TENM3: variants seen among roughly 807,000 people sequenced by gnomAD.
TENM3 encodes teneurin transmembrane protein 3, also known as teneurin-3.
In TENM3, 63 loss-of-function variants were observed where a neutral mutation model predicts 255.1. The ratio of observed to expected loss-of-function variants is 0.25; its 90% CI spans 0.20 to 0.30. TENM3 has a LOEUF of 0.30. Ranked by LOEUF, TENM3 falls within the 10% of genes least tolerant of loss-of-function variation. The pLI is 1.00. For missense variants in TENM3, 2,929 were observed against 3,461.1 expected (o/e 0.85, Z 3.86); for synonymous variants, 1,306 against 1,322.3 (o/e 0.99, Z 0.27).
At chr4:182,586,214 A>G (rs1315954536) in intron 3 of TENM3, among the ~76,000 whole-genome samples, 1 of 152,202 alleles carries the variant, frequency 6.6e-6, no homozygotes, top group East Asian at 1.9e-4. Context: ...CTATGATCAC[A>G]GTACTGTACT....
chr4:181,622,861 C>T, the TENM3 span, among the ~76,000 whole-genome samples: 1 of 152,002 alleles, frequency 6.6e-6, no homozygotes, highest in African/African-American at 2.4e-5. Context: ...TTTTAGGTAC[C>T]GAGTGAAGTC....
chr4:181,476,218 T>G, the TENM3 span, among the ~76,000 whole-genome samples: 7 of 142,316 alleles, frequency 4.9e-5, no homozygotes, highest in Non-Finnish European at 7.8e-5. Context: ...TTTTTTTTTT[T>G]TTTTTTGACA....
the TENM3 span, among the ~76,000 whole-genome samples, chr4:181,671,668 T>G: frequency 6.6e-6 from 1 of 152,314 alleles, no homozygotes; most frequent in East Asian, 1.9e-4. Flanking sequence ...GTACAATAAT[T>G]ATTGCATAGC....
At chr4:181,743,691 G>A in the TENM3 span, among the ~76,000 whole-genome samples, 1 of 152,094 alleles carries the variant, frequency 6.6e-6, no homozygotes, top group Non-Finnish European at 1.5e-5. Context: ...AAAAGGGGGG[G>A]CCACACATAA....
chr4:182,799,571 G>C lies in TENM3; in HGVS notation c.7345-25G>C, dbSNP rs770794490. On this transcript the variant is annotated intron_variant, in intron 27 of 27. Coordinates refer to ENST00000511685, the MANE Select transcript of TENM3 (RefSeq NM_001080477.4). The surrounding 1 kb of genome is among the most constrained non-coding windows in gnomAD (Gnocchi z 4.2). The stretch of plus-strand genomic sequence containing the variant: ...GGAGGCTCCCGGCCGCCTCTGACGC[G>C]CCCCCTCTTTTGTTTCGCCCGCAGC... The C allele has an allele frequency of 4.6e-6, 7 of 1,530,056 alleles. No individual in the cohort carries two copies. In the African/African-American group the frequency reaches 8.3e-5, roughly 18 times the overall value. The allele number at this position is 1,530,056 out of a possible 1,614,324, so 94.8% of individuals were successfully genotyped here.
At position 182,800,264 on chromosome 4, in the gene TENM3, C is replaced by T. The variant is rs749761005; in HGVS notation, c.8013C>T (p.Tyr2671=). The change falls in exon 28 of 28, where the codon TAC becomes TAT. Residue 2671 remains tyrosine (Y), a synonymous_variant. Coordinates refer to ENST00000511685, the MANE Select transcript of TENM3 (RefSeq NM_001080477.4). Reference sequence around the variant, plus strand: ...AGGTGCAGGGCTACGACGGGTACTACGTACTCTCGGTGGAGCAGTACCCCG... The same window carrying T: ...AGGTGCAGGGCTACGACGGGTACTATGTACTCTCGGTGGAGCAGTACCCCG... ...AGKVQGYDGY[Y]VLSVEQYPEL... 1.9e-6 allele frequency: 3 copies of T among 1,594,186 alleles called. No individual in the cohort carries two copies. Among genetic ancestry groups the T allele is most frequent in the Admixed American group, 1.7e-5 (1 of 59,662 alleles).
intron 3 of TENM3, among the ~76,000 whole-genome samples, chr4:182,588,804 T>C (rs528005077): frequency 6.6e-6 from 1 of 152,294 alleles, no homozygotes; most frequent in African/African-American, 2.4e-5. Flanking sequence ...GGCATTATGG[T>C]TGACAAGATA....
intron 22 of TENM3, among the ~76,000 whole-genome samples, chr4:182,767,289 G>A (rs1021482688): frequency 1.1e-4 from 16 of 152,138 alleles, no homozygotes; most frequent in Admixed American, 8.5e-4. Flanking sequence ...GCCGTTCCGG[G>A]TTCGCTGTTT....
At chr4:181,553,676 C>T in the TENM3 span, among the ~76,000 whole-genome samples, 3 of 152,074 alleles carry the variant, frequency 2.0e-5, no homozygotes, top group Non-Finnish European at 4.4e-5. Flanking sequence ...CTCCTGACCT[C>T]GTGATCTGCC....
At chr4:182,627,284 A>G (rs889007848) in intron 4 of TENM3, among the ~76,000 whole-genome samples, 3 of 152,168 alleles carry the variant, frequency 2.0e-5, no homozygotes, top group Non-Finnish European at 4.4e-5. Flanking sequence ...GGTAGATACT[A>G]TTACCATCCT....
chr4:182,126,075 G>A, the TENM3 span, among the ~76,000 whole-genome samples: 1 of 152,006 alleles, frequency 6.6e-6, no homozygotes, highest in South Asian at 2.1e-4. Context: ...ACTAAAATAT[G>A]TATCAGGCTG....
At chr4:181,522,777 C>G in the TENM3 span, 2 of 787,026 alleles carry the variant, frequency 2.5e-6, no homozygotes, top group Non-Finnish European at 4.5e-6. Flanking sequence ...TGGAGAACAA[C>G]TGGATCTGGA....
At position 182,221,102 on chromosome 4, in the gene TENM3, A is replaced by G. The variant is rs563142536; in HGVS notation, c.-76+76348A>G. 3.3e-5 allele frequency among the ~76,000 whole-genome samples: 5 copies of G among 152,348 alleles called. No homozygotes were observed. In the East Asian group the frequency reaches 9.6e-4, roughly 29 times the overall value. On this transcript the variant is annotated intron_variant, in intron 1 of 2. Transcript: ENST00000512480. ...AGTACCTTAGCTCAAATGCAGTTAC[A>G]CTGCTGCAGAAAAATGTTAACATTT...
intron 1 of TENM3, among the ~76,000 whole-genome samples, chr4:182,185,738 T>G (rs1482637420): frequency 1.3e-5 from 2 of 152,206 alleles, no homozygotes; most frequent in East Asian, 3.8e-4. Context: ...TAAGGCAATT[T>G]CCTTCCCTCT....
At chr4:181,705,553 A>G in the TENM3 span, among the ~76,000 whole-genome samples, 52,592 of 152,032 alleles carry the variant, frequency 0.35, 9,138 homozygotes, top group South Asian at 0.41. Flanking sequence ...AAACCATGAC[A>G]TTCAATCTTA....
chr4:182,617,986 G>C (rs1047141258), intron 4 of TENM3, among the ~76,000 whole-genome samples: 12 of 152,178 alleles, frequency 7.9e-5, no homozygotes, highest in East Asian at 1.9e-4. Context: ...AGGGACAGAA[G>C]CTGAGCACTA....
At chr4:181,758,470 C>G in the TENM3 span, among the ~76,000 whole-genome samples, 5 of 152,166 alleles carry the variant, frequency 3.3e-5, no homozygotes, top group Admixed American at 3.3e-4. Flanking sequence ...TCCATTTCCT[C>G]AGCCTGGGAA....
intron 3 of TENM3, among the ~76,000 whole-genome samples, chr4:182,498,682 C>A (rs187688874): frequency 1.3e-5 from 2 of 151,758 alleles, no homozygotes; most frequent in Non-Finnish European, 2.9e-5. Context: ...GGTGAAACCC[C>A]GTCTCTACTA....
At chr4:181,679,743 C>A in the TENM3 span, among the ~76,000 whole-genome samples, 1 of 152,000 alleles carries the variant, frequency 6.6e-6, no homozygotes, top group Non-Finnish European at 1.5e-5. Flanking sequence ...TGTATTATTG[C>A]GACTGAATTA....
Sources: allele counts gnomAD v4.1 joint callset (sites outside exome capture counted in the v4.1 genomes callset), GRCh38; gene constraint gnomAD v4.1.1; non-coding constraint Gnocchi (gnomAD v3.1); transcripts MANE v1.5; gene names NCBI Gene and HGNC (gene_info 2026-07-23, HGNC 2026-07-21).